Variants in CAPZA2 observed in about 807,000 individuals in gnomAD.
CAPZA2 encodes capping actin protein of muscle Z-line subunit alpha 2.
CAPZA2 carries 13 observed loss-of-function variants against 44.0 expected under a neutral mutation model. The observed-to-expected ratio is 0.30, with a 90% CI of 0.19 to 0.47. CAPZA2 has a LOEUF of 0.47. Ranked by LOEUF, CAPZA2 falls within the 20% of genes least tolerant of loss-of-function variation. CAPZA2 has a pLI of 1.00. For missense variants in CAPZA2, 244 were observed against 338.6 expected, an observed-to-expected ratio of 0.72 and a Z score of 2.19; for synonymous variants, 94 against 108.2, an observed-to-expected ratio of 0.87 and a Z score of 0.81.
chr7:116,891,619 C>T (rs918390447), intron 2 of CAPZA2, among the ~76,000 whole-genome samples: 5 of 152,174 alleles, frequency 3.3e-5, no homozygotes, highest in Non-Finnish European at 5.9e-5. Context: ...TCACGCCATT[C>T]TCCTGCCTCA....
At chr7:116,889,791 T>C (rs1796807175) in intron 2 of CAPZA2, among the ~76,000 whole-genome samples, 1 of 152,176 alleles carries the variant, frequency 6.6e-6, no homozygotes, top group Non-Finnish European at 1.5e-5. Flanking sequence ...GAATGGAGAA[T>C]TGGCATTGTA....
At chr7:116,905,153 G>A (rs1469618173) in intron 5 of CAPZA2, among the ~76,000 whole-genome samples, 6 of 147,656 alleles carry the variant, frequency 4.1e-5, no homozygotes, top group Non-Finnish European at 6.0e-5. Flanking sequence ...AAAAAAAAAA[G>A]AAAAGAAAAA....
chr7:116,862,961 A>C (rs891928128), intron 1 of CAPZA2, among the ~76,000 whole-genome samples: 2 of 151,720 alleles, frequency 1.3e-5, no homozygotes, highest in Admixed American at 1.3e-4. Flanking sequence ...GCTGCCCAGG[A>C]CCCTCTCCTG....
chr7:116,904,257 C>T lies in CAPZA2; in HGVS notation c.300C>T (p.His100=). 5.0e-6 allele frequency: 8 copies of T among 1,613,516 alleles called. No homozygotes were observed. Among genetic ancestry groups the T allele is most frequent in the Non-Finnish European group, 6.8e-6 (8 of 1,179,582 alleles). Residue 100 remains histidine, a synonymous_variant, in exon 5 of 10, where the codon CAC becomes CAT. Transcript: ENST00000361183. ...ACAGAATCTGTTTTAAATTTGATCA[C>T]TTAAGGAAGGAGGCAACTGATCCAA... ...PKNRICFKFD[H]LRKEATDPRP... is the part of the protein sequence containing the mutation.
chr7:116,898,876 C>T (rs892020835), intron 4 of CAPZA2, 41 bp downstream of exon 4: 1 of 1,194,862 alleles, frequency 8.4e-7, no homozygotes, highest in Admixed American at 2.0e-5. Flanking sequence ...TTGTTTATAA[C>T]CGTTAAGGTA....
chr7:116,901,667 A>G (rs1281734911), intron 4 of CAPZA2, among the ~76,000 whole-genome samples: 2 of 152,142 alleles, frequency 1.3e-5, no homozygotes, highest in African/African-American at 4.8e-5. Flanking sequence ...TTAAGAAAGA[A>G]AATAGTGATA....
chr7:116,876,487 GATAAAA>G (rs991541998), intron 1 of CAPZA2: 2 of 152,154 alleles, frequency 1.3e-5, no homozygotes, highest in African/African-American at 4.8e-5. Flanking sequence ...TTATGTCTGA[GATAAAA>G]ATAATATGAT....
chr7:116,865,556 G>A (rs1286815652), intron 1 of CAPZA2, among the ~76,000 whole-genome samples: 1 of 151,700 alleles, frequency 6.6e-6, no homozygotes, highest in Non-Finnish European at 1.5e-5. Context: ...TTAATTTGTT[G>A]ACAGCTTATT....
rs1048315292 is a variant in CAPZA2 at position 116,921,012 on chromosome 7, G to C, written c.*3145G>C. ...AAGCAGGGAAGTGAGGGCTTGAGACGGGGGGAGGGATAGTGAAAATGTACA... is the reference window on the plus strand; with the variant it reads ...AAGCAGGGAAGTGAGGGCTTGAGACCGGGGGAGGGATAGTGAAAATGTACA... On this transcript the variant is annotated 3_prime_UTR_variant, in exon 10 of 10. Transcript: ENST00000361183. The C allele has an allele frequency of 6.6e-6, 1 of 152,244 alleles. No homozygotes were observed. Among genetic ancestry groups the C allele is most frequent in the African/African-American group, 2.4e-5 (1 of 41,408 alleles). The allele number at this position is 152,244 out of a possible 1,614,324, so 9.4% of individuals were successfully genotyped here.
chr7:116,890,560 A>G (rs1355106013), intron 2 of CAPZA2, among the ~76,000 whole-genome samples: 1 of 12,894 alleles, frequency 7.8e-5, no homozygotes, highest in African/African-American at 2.9e-4. Flanking sequence ...ATATATATAT[A>G]TATATATACA....
chr7:116,910,687 T>C (rs1791579823), intron 7 of CAPZA2, among the ~76,000 whole-genome samples: 1 of 152,144 alleles, frequency 6.6e-6, no homozygotes, highest in African/African-American at 2.4e-5. Flanking sequence ...TGTAGTTGTA[T>C]AAATATATTG....
intron 1 of CAPZA2, among the ~76,000 whole-genome samples, chr7:116,871,699 C>G (rs1301694775): frequency 6.6e-6 from 1 of 152,220 alleles, no homozygotes; most frequent in African/African-American, 2.4e-5. Flanking sequence ...GGACTTTCTT[C>G]TCTTCTTTTG....
At chr7:116,881,562 AC>A (rs1796700911) in intron 1 of CAPZA2, among the ~76,000 whole-genome samples, 1 of 151,848 alleles carries the variant, frequency 6.6e-6, no homozygotes, top group Non-Finnish European at 1.5e-5. Flanking sequence ...ACACGGTGAA[AC>A]CCCGTCTCTA....
intron 1 of CAPZA2, among the ~76,000 whole-genome samples, chr7:116,872,190 T>G (rs1419676144): frequency 6.6e-6 from 1 of 152,218 alleles, no homozygotes; most frequent in Non-Finnish European, 1.5e-5. Flanking sequence ...CTTTGTTTTT[T>G]CCTGCTATTT....
intron 6 of CAPZA2, 140 bp downstream of exon 6, chr7:116,906,482 T>C: frequency 1.4e-6 from 2 of 1,379,360 alleles, no homozygotes; most frequent in Non-Finnish European, 1.9e-6. Context: ...AGCCTTTTGA[T>C]ATAAGGAAGG....
intron 3 of CAPZA2, among the ~76,000 whole-genome samples, chr7:116,896,695 T>G (rs1183217007): frequency 6.6e-6 from 1 of 152,140 alleles, no homozygotes; most frequent in Non-Finnish European, 1.5e-5. Context: ...GGCGACAGAA[T>G]TCTGCAAGAG....
At chr7:116,889,935 T>G (rs1430111068) in intron 2 of CAPZA2, among the ~76,000 whole-genome samples, 1 of 152,226 alleles carries the variant, frequency 6.6e-6, no homozygotes, top group Non-Finnish European at 1.5e-5. Context: ...ATTCAGGTTC[T>G]GTAACCTACA....
Position 116,906,917 on chromosome 7 carries a change from G to T in CAPZA2, c.506+575G>T, listed in dbSNP as rs187132197. Among the ~76,000 whole-genome samples the T allele has an allele frequency of 6.6e-5, 10 of 152,182 alleles. 1 individual carries two copies. Among genetic ancestry groups the T allele is most frequent in the Admixed American group, 3.9e-4 (6 of 15,288 alleles). On this transcript the variant is annotated intron_variant, in intron 6 of 9. Transcript: ENST00000361183. ...GGTCTTGGACCTTTGACAAGTTGTT[G>T]GTCATTTTTATTCTTAGACAAGACT... is the stretch of plus-strand genomic sequence containing the variant.
At chr7:116,916,023 T>A in intron 8 of CAPZA2, 37 bp from the exon 9 acceptor site, 1 of 1,375,798 alleles carries the variant, frequency 7.3e-7, no homozygotes, top group Non-Finnish European at 9.8e-7. Context: ...GGTTTAGTTT[T>A]AAATTACTAT....
Sources: allele counts gnomAD v4.1 joint callset (sites outside exome capture counted in the v4.1 genomes callset), GRCh38; gene constraint gnomAD v4.1.1; transcripts MANE v1.5; gene names NCBI Gene and HGNC (gene_info 2026-07-23, HGNC 2026-07-21).